SPARCL1: variants seen among roughly 807,000 people sequenced by gnomAD.
SPARCL1 encodes SPARC-like protein 1.
SPARCL1 carries 52 observed loss-of-function variants against 67.1 expected under a neutral mutation model. The observed-to-expected ratio is 0.78, with a 90% CI of 0.62 to 0.98. The LOEUF (loss-of-function observed/expected upper bound fraction) is 0.98, where lower values mean the gene tolerates loss of function less well. SPARCL1 is among the 50% of genes least tolerant of loss of function. The pLI is 0.00. For missense variants in SPARCL1, 717 were observed against 782.4 expected, an observed-to-expected ratio of 0.92 and a Z score of 1.00; for synonymous variants, 226 against 267.8, an observed-to-expected ratio of 0.84 and a Z score of 1.52.
At chr4:87,525,274 C>T (rs941808694) in intron 1 of SPARCL1, among the ~76,000 whole-genome samples, 1 of 152,130 alleles carries the variant, frequency 6.6e-6, no homozygotes, top group Non-Finnish European at 1.5e-5. Flanking sequence ...GGGTTAGATA[C>T]TGTAATAAAT....
intron 10 of SPARCL1, among the ~76,000 whole-genome samples, chr4:87,477,553 TTC>T (rs1400395942): frequency 6.6e-6 from 1 of 152,200 alleles, no homozygotes; most frequent in East Asian, 1.9e-4. Flanking sequence ...TCTTGGCTTT[TTC>T]TCTCTTTCTG....
At chr4:87,516,194 C>T (rs765742162) in intron 1 of SPARCL1, among the ~76,000 whole-genome samples, 15 of 152,188 alleles carry the variant, frequency 9.9e-5, no homozygotes, top group Non-Finnish European at 1.5e-4. Context: ...TGCAAATGCG[C>T]AGGACACGTG....
chr4:87,521,813 T>C (rs548868420), intron 1 of SPARCL1, among the ~76,000 whole-genome samples: 1 of 152,254 alleles, frequency 6.6e-6, no homozygotes, highest in Non-Finnish European at 1.5e-5. Flanking sequence ...CATCCATGCA[T>C]CCAAATAAGG....
At chr4:87,517,100 T>C (rs1725612393) in intron 1 of SPARCL1, among the ~76,000 whole-genome samples, 1 of 152,216 alleles carries the variant, frequency 6.6e-6, no homozygotes. Context: ...GTATCTGTGC[T>C]ACTATTTTCT....
intron 1 of SPARCL1, among the ~76,000 whole-genome samples, chr4:87,508,366 A>ATT (rs199711570): frequency 2.0e-5 from 3 of 146,762 alleles, no homozygotes; most frequent in African/African-American, 2.5e-5. Context: ...TGGGTAATTA[A>ATT]TTTTTTTTTT....
At chr4:87,528,852 A>G (rs1414203008) in intron 1 of SPARCL1, among the ~76,000 whole-genome samples, 193 bp downstream of exon 1, 1 of 152,230 alleles carries the variant, frequency 6.6e-6, no homozygotes, top group East Asian at 1.9e-4. Context: ...TTAATTTCGC[A>G]GGAAACAAGA....
rs559898912 is a variant in SPARCL1 at position 87,473,807 on chromosome 4, T to G, written c.1967-4A>C. The G allele has an allele frequency of 8.7e-6, 14 of 1,603,338 alleles. No individual in the cohort carries two copies. In the South Asian group the frequency reaches 1.1e-4, roughly 13 times the overall value. On this transcript the variant is annotated splice_region_variant and splice_polypyrimidine_tract_variant and intron_variant, in intron 10 of 10. Coordinates refer to ENST00000282470, the MANE Select transcript of SPARCL1 (RefSeq NM_004684.6). ...AAGAGATTTTCATCTATGTCCTCTA[T>G]AAAAAAACAAGAAGCAAAATGACAC...
At chr4:87,499,010 G>T (rs1724735885) in intron 2 of SPARCL1, among the ~76,000 whole-genome samples, 2 of 152,028 alleles carry the variant, frequency 1.3e-5, no homozygotes, top group Admixed American at 1.3e-4. Flanking sequence ...GAGTAGCTGG[G>T]ATTACAGGTG....
At chr4:87,474,706 A>C (rs948551618) in intron 10 of SPARCL1, among the ~76,000 whole-genome samples, 1 of 147,748 alleles carries the variant, frequency 6.8e-6, no homozygotes, top group East Asian at 2.0e-4. Context: ...CAGTGCCTGC[A>C]TTTATGTAGA....
intron 8 of SPARCL1, among the ~76,000 whole-genome samples, chr4:87,480,927 C>T (rs1723797798): frequency 6.6e-6 from 1 of 151,460 alleles, no homozygotes; most frequent in Non-Finnish European, 1.5e-5. Flanking sequence ...ACAGAGTCCA[C>T]TCTTAGTCTT....
intron 1 of SPARCL1, among the ~76,000 whole-genome samples, chr4:87,526,952 G>C (rs886820878): frequency 6.6e-5 from 10 of 152,222 alleles, no homozygotes; most frequent in Non-Finnish European, 1.5e-4. Context: ...GGCACAAAGA[G>C]ATGAAGTTGT....
In SPARCL1 at chr4:87,494,135, GTCTT is replaced by G. The variant is rs769722929; in HGVS notation, c.661_664del (p.Lys221GlnfsTer32). The G allele has an allele frequency of 1.9e-6, 3 of 1,613,540 alleles. No homozygotes were observed. In the African/African-American group the frequency reaches 4.0e-5, roughly 22 times the overall value. ...GTTAGCATGCTCCCTGGGCAATTCT[GTCTT>G]TCTTTCTTGGTTATCATTGTGGGTA... On this transcript the variant is annotated frameshift_variant, in exon 4 of 11. Transcript: ENST00000282470. LOFTEE classifies it high-confidence loss of function.
chr4:87,488,298 T>C (rs1724156894), intron 7 of SPARCL1, among the ~76,000 whole-genome samples: 2 of 152,196 alleles, frequency 1.3e-5, no homozygotes, highest in South Asian at 4.1e-4. Flanking sequence ...ATCTTTTTTG[T>C]TGATGTTGAT....
intron 1 of SPARCL1, among the ~76,000 whole-genome samples, chr4:87,527,810 A>G (rs950250489): frequency 2.6e-5 from 4 of 152,188 alleles, no homozygotes; most frequent in African/African-American, 9.6e-5. Flanking sequence ...GCTTTGCTAG[A>G]TCTTATTAAA....
At chr4:87,521,466 T>C (rs1725815901) in intron 1 of SPARCL1, among the ~76,000 whole-genome samples, 1 of 152,200 alleles carries the variant, frequency 6.6e-6, no homozygotes. Context: ...TTAGTGCTGG[T>C]AGTTATTGCT....
Position 87,500,800 on chromosome 4 carries a change from A to G in SPARCL1, c.-11-1215T>C, listed in dbSNP as rs1316168735. On this transcript the variant is annotated intron_variant, in intron 1 of 10. Coordinates refer to ENST00000282470, the MANE Select transcript of SPARCL1 (RefSeq NM_004684.6). ...CACACACGTACGCGCGCACGCACAT[A>G]CGCGCGCACGCACACACTTCTCTTC... 2.0e-5 allele frequency among the ~76,000 whole-genome samples: 3 copies of G among 151,564 alleles called. No homozygotes were observed. In the East Asian group the frequency reaches 5.8e-4, roughly 29 times the overall value.
intron 7 of SPARCL1, among the ~76,000 whole-genome samples, chr4:87,488,603 T>C (rs1474118007): frequency 3.3e-5 from 5 of 152,212 alleles, no homozygotes. Flanking sequence ...AGTCTGTTCC[T>C]TAGCAGAGCT....
chr4:87,515,233 C>T (rs528660522), intron 1 of SPARCL1, among the ~76,000 whole-genome samples: 5 of 152,278 alleles, frequency 3.3e-5, no homozygotes, highest in Admixed American at 3.3e-4. Flanking sequence ...CTTGAACTGC[C>T]TTTTACCAGC....
In SPARCL1 at chr4:87,491,650, G is replaced by C; in HGVS notation, c.1259C>G (p.Ser420Ter). The C allele has an allele frequency of 6.2e-7, 1 of 1,613,840 alleles. No individual in the cohort carries two copies. Among genetic ancestry groups the C allele is most frequent in the Middle Eastern group, 1.6e-4 (1 of 6,062 alleles). The change falls in exon 5 of 11, where the codon TCA becomes TGA. Residue 420 changes from serine to a stop codon, truncating the protein, a stop_gained. Coordinates refer to ENST00000282470, the MANE Select transcript of SPARCL1 (RefSeq NM_004684.6). LOFTEE classifies it high-confidence loss of function. Reference protein sequence around the residue: ...AENSSNEEETSSEGNMRVHAV... With the variant: ...AENSSNEEET ...ATGCACCCTCATGTTGCCTTCACTT[G>C]ACGTTTCCTCCTCATTTGATGAGTT... is the stretch of plus-strand genomic sequence containing the variant.
Sources: gnomAD v4.1 joint callset for allele counts (sites outside exome capture counted in the v4.1 genomes callset) on GRCh38, gnomAD v4.1.1 for gene constraint, MANE v1.5 for transcripts, NCBI Gene and HGNC (gene_info 2026-07-23, HGNC 2026-07-21) for gene names.